The following TANC2 variants were observed in gnomAD, a reference collection of about 807,000 sequenced individuals.
The protein encoded by TANC2 is tetratricopeptide repeat, ankyrin repeat and coiled-coil containing 2, also known as protein TANC2.
In TANC2, 26 loss-of-function variants were observed where a neutral mutation model predicts 210.5. The ratio of observed to expected loss-of-function variants is 0.12; its 90% confidence interval spans 0.09 to 0.17. The LOEUF (loss-of-function observed/expected upper bound fraction) is 0.17. Ranked by LOEUF, TANC2 falls within the 10% of genes least tolerant of loss-of-function variation. The pLI is 1.00. For missense variants in TANC2, 2,129 were observed against 2,608.9 expected, an observed-to-expected ratio of 0.82 and a Z score of 4.01; for synonymous variants, 931 against 967.1, an observed-to-expected ratio of 0.96 and a Z score of 0.69.
intron 9 of TANC2, among the ~76,000 whole-genome samples, chr17:63,280,295 A>G (rs2044021527): frequency 6.6e-6 from 1 of 152,080 alleles, no homozygotes; most frequent in Admixed American, 6.6e-5. Flanking sequence ...TCAGGATGAA[A>G]TGTACTTTTC....
intron 15 of TANC2, among the ~76,000 whole-genome samples, chr17:63,380,689 G>A (rs934022763): frequency 1.3e-5 from 2 of 152,164 alleles, no homozygotes; most frequent in Non-Finnish European, 2.9e-5. Context: ...TCTGGGTCAG[G>A]CTTCCCCCAC....
chr17:63,110,755 C>A (rs1279982439), intron 4 of TANC2, among the ~76,000 whole-genome samples: 1 of 152,166 alleles, frequency 6.6e-6, no homozygotes, highest in Non-Finnish European at 1.5e-5. Flanking sequence ...TCATACTGGC[C>A]TTTAAATTTC....
chr17:63,321,809 G>T (rs754695708), intron 11 of TANC2, among the ~76,000 whole-genome samples: 4 of 152,120 alleles, frequency 2.6e-5, no homozygotes, highest in Non-Finnish European at 4.4e-5. Flanking sequence ...TCTCTTTCCT[G>T]TGGGTGTTGG....
chr17:63,351,199 C>A, intron 12 of TANC2, 51 bp from the exon 13 acceptor site: 1 of 1,470,878 alleles, frequency 6.8e-7, no homozygotes, highest in African/African-American at 1.4e-5. Flanking sequence ...CCAGTAAGAA[C>A]TCATTTATCC....
intron 5 of TANC2, among the ~76,000 whole-genome samples, chr17:63,173,930 A>G (rs1278197370): frequency 1.3e-5 from 2 of 152,188 alleles, no homozygotes; most frequent in African/African-American, 4.8e-5. Flanking sequence ...CAAGAACACT[A>G]TTTCACCTGG....
chr17:62,967,851 A>T lies in TANC2; in HGVS notation c.-24+1102A>T, dbSNP rs182571656. Among the ~76,000 whole-genome samples the T allele has an allele frequency of 2.6e-5, 4 of 152,116 alleles. No individual in the cohort carries two copies. The East Asian group carries it at 7.7e-4, about 29-fold the overall frequency. On this transcript the variant is annotated intron_variant, in intron 1 of 27. Transcript: ENST00000689528. Reference sequence around the variant, plus strand: ...GTGAAATAAAAAAAAAAAAGAATACAGTAAATTGGCATAAAAAGCAACAAC... The same window carrying T: ...GTGAAATAAAAAAAAAAAAGAATACTGTAAATTGGCATAAAAAGCAACAAC...
Position 63,279,306 on chromosome 17 carries a change from A to G in TANC2, c.1159+11433A>G, listed in dbSNP as rs529637611. Among the ~76,000 whole-genome samples the G allele has an allele frequency of 1.2e-3, 180 of 152,272 alleles. 1 individual carries two copies. The highest frequency in any genetic ancestry group is 4.2e-3 in the African/African-American group (173 of 41,568). On this transcript the variant is annotated intron_variant, in intron 9 of 27. Transcript: ENST00000689528. Reference sequence around the variant, plus strand: ...CACTAGCATTTACTGAGCATTTACTATGTACCAGGTTTCATGCTAATAACT... The same window carrying G: ...CACTAGCATTTACTGAGCATTTACTGTGTACCAGGTTTCATGCTAATAACT...
intron 8 of TANC2, among the ~76,000 whole-genome samples, chr17:63,248,210 C>G (rs941295760): frequency 9.9e-5 from 15 of 152,032 alleles, no homozygotes; most frequent in African/African-American, 3.4e-4. Context: ...CCTTTCCTTT[C>G]TAATGGGTAC....
At chr17:63,095,189 C>T (rs1454581449) in intron 3 of TANC2, among the ~76,000 whole-genome samples, 1 of 151,864 alleles carries the variant, frequency 6.6e-6, no homozygotes, top group African/African-American at 2.4e-5. Context: ...TTGTTTTTTT[C>T]AGTAGAGACA....
At chr17:63,064,835 C>T (rs1331695257) in intron 2 of TANC2, among the ~76,000 whole-genome samples, 1 of 151,436 alleles carries the variant, frequency 6.6e-6, no homozygotes, top group East Asian at 1.9e-4. Flanking sequence ...AGGATTAAAT[C>T]AAGCTAGTTA....
rs764414830 is a variant in TANC2 at position 63,389,300 on chromosome 17, A to G, written c.2815-8A>G. The G allele has an allele frequency of 1.2e-6, 2 of 1,605,224 alleles. No individual in the cohort carries two copies. The highest frequency in any genetic ancestry group is 1.1e-5 in the South Asian group (1 of 90,612). On this transcript the variant is annotated splice_region_variant and splice_polypyrimidine_tract_variant and intron_variant, in intron 16 of 27. Transcript: ENST00000689528. ...GTCTAATTATTAGTTCTGTTTGTTT[A>G]TTTCTAGGTCAGCCGACTGCTGATT...
chr17:63,097,176 G>A (rs566891825), intron 3 of TANC2, among the ~76,000 whole-genome samples: 118 of 151,990 alleles, frequency 7.8e-4, no homozygotes, highest in Non-Finnish European at 1.8e-4. Flanking sequence ...AAGTAGCTGG[G>A]ACTACAGGTA....
At chr17:63,348,861 A>G (rs1480158982) in intron 12 of TANC2, among the ~76,000 whole-genome samples, 1 of 152,220 alleles carries the variant, frequency 6.6e-6, no homozygotes, top group Admixed American at 6.5e-5. Flanking sequence ...TCTAAAGAAC[A>G]TTAGTATCTC....
intron 3 of TANC2, among the ~76,000 whole-genome samples, chr17:63,098,460 ACACACACACACACACACACATACACTCT>A (rs1245406742): frequency 0.07 from 3,556 of 50,822 alleles, 163 homozygotes; most frequent in Non-Finnish European, 0.089. Context: ...ACACACACAC[ACACACACACACACACACACATACACTCT>A]CTCTCTCTCT....
chr17:63,378,839 A>G (rs1484928446), intron 14 of TANC2, among the ~76,000 whole-genome samples: 1 of 152,186 alleles, frequency 6.6e-6, no homozygotes, highest in Non-Finnish European at 1.5e-5. Flanking sequence ...GGGGCTTGGT[A>G]GAGGCTGATC....
intron 12 of TANC2, among the ~76,000 whole-genome samples, chr17:63,341,987 T>C (rs2046243791): frequency 6.6e-6 from 1 of 152,162 alleles, no homozygotes; most frequent in African/African-American, 2.4e-5. Flanking sequence ...CCCACCTCCA[T>C]ATATTTACTC....
At chr17:63,209,063 T>C (rs1290333847) in intron 7 of TANC2, among the ~76,000 whole-genome samples, 2 of 152,134 alleles carry the variant, frequency 1.3e-5, no homozygotes, top group Non-Finnish European at 2.9e-5. Context: ...TGGAGTGCAG[T>C]GTTGCAATCT....
intron 8 of TANC2, among the ~76,000 whole-genome samples, chr17:63,254,158 A>G (rs1454114216): frequency 2.6e-5 from 4 of 151,884 alleles, no homozygotes; most frequent in Non-Finnish European, 5.9e-5. Flanking sequence ...GTCCTCTTTA[A>G]TTTCTTACAT....
intron 16 of TANC2, 26 bp downstream of exon 16, chr17:63,388,783 A>T (rs1033887637): frequency 2.7e-6 from 4 of 1,468,498 alleles, no homozygotes; most frequent in Admixed American, 2.3e-5. Flanking sequence ...AATTATAAAT[A>T]TGATAAGGAA....
Sources: allele counts gnomAD v4.1 joint callset (sites outside exome capture counted in the v4.1 genomes callset), GRCh38; gene constraint gnomAD v4.1.1; transcripts MANE v1.5; gene names NCBI Gene and HGNC (gene_info 2026-07-23, HGNC 2026-07-21).